Variants in SLCO3A1 observed in about 807,000 individuals in gnomAD.
The protein encoded by SLCO3A1 is solute carrier organic anion transporter family member 3A1.
Under a neutral mutation model 63.1 loss-of-function variants are expected in SLCO3A1, and 27 were observed. The observed-to-expected ratio is 0.43, with a 90% CI of 0.32 to 0.59. The LOEUF (loss-of-function observed/expected upper bound fraction) is 0.59. SLCO3A1 is among the 20% of genes least tolerant of loss of function. The pLI, the probability that SLCO3A1 is intolerant of heterozygous loss-of-function variation, is 0.09. For synonymous variants in SLCO3A1, 473 were observed against 409.9 expected (o/e 1.15, Z -1.86); for missense variants, 773 against 945.8 (o/e 0.82, Z 2.40).
At chr15:91,915,526 G>C (rs1341855251) in intron 1 of SLCO3A1, among the ~76,000 whole-genome samples, 2 of 152,146 alleles carry the variant, frequency 1.3e-5, no homozygotes, top group Non-Finnish European at 2.9e-5. Flanking sequence ...TTTATTTTGA[G>C]GTGGGGGATA....
At chr15:92,119,998 C>CAT (rs535175019) in intron 4 of SLCO3A1, among the ~76,000 whole-genome samples, 2,853 of 151,312 alleles carry the variant, frequency 0.019, 90 homozygotes, top group African/African-American at 0.065. Context: ...TTTTCTTACA[C>CAT]ATATATATAT....
intron 2 of SLCO3A1, among the ~76,000 whole-genome samples, chr15:92,016,825 C>A (rs771643289): frequency 6.6e-6 from 1 of 152,042 alleles, no homozygotes; most frequent in East Asian, 1.9e-4. Flanking sequence ...AGATGAACTT[C>A]GGGCCTGTGG....
At chr15:92,172,371 A>G (rs8030651) in exon 11 of SLCO3A1, 2,028 of 153,632 alleles carry the variant, frequency 0.013, 39 homozygotes, top group African/African-American at 0.046. Flanking sequence ...GTTTAGAAAT[A>G]TGTGATGTAA....
chr15:91,915,410 G>A (rs1046954899), intron 1 of SLCO3A1, among the ~76,000 whole-genome samples: 8 of 152,294 alleles, frequency 5.3e-5, no homozygotes, highest in African/African-American at 1.9e-4. Context: ...TGGCCTCTGG[G>A]GAAATGTACA....
chr15:91,925,105 T>C (rs1271060362), intron 2 of SLCO3A1, among the ~76,000 whole-genome samples: 5 of 152,216 alleles, frequency 3.3e-5, no homozygotes, highest in Admixed American at 2.0e-4. Flanking sequence ...GGCACACCCA[T>C]CTTATTTGCT....
chr15:91,863,593 GC>G lies in SLCO3A1; in HGVS notation c.180+9506del, dbSNP rs377219288. ...CCATCCTCTTCTTGAAGCTATACAT[GC>G]GTGGGGTGCACAGCACACCACACGG... On this transcript the variant is annotated intron_variant, in intron 1 of 9. Transcript: ENST00000318445. This position sits in a 1 kb window ranked among gnomAD's most constrained non-coding sequence, Gnocchi z 4.3. Among the ~76,000 whole-genome samples, 43 of 152,284 alleles carry G rather than the reference GC, an allele frequency of 2.8e-4. No individual in the cohort carries two copies. The East Asian group carries it at 7.3e-3, about 26-fold the overall frequency.
At chr15:92,039,033 T>A (rs186114390) in intron 2 of SLCO3A1, among the ~76,000 whole-genome samples, 2,287 of 152,248 alleles carry the variant, frequency 0.015, 54 homozygotes, top group African/African-American at 0.053. Flanking sequence ...TTGCTGGGAA[T>A]ACTGGCTAGC....
At chr15:91,926,596 T>TGTGTGTGTGTGTGTGTGTGTGCGCGCGC in intron 2 of SLCO3A1, among the ~76,000 whole-genome samples, 20 of 105,304 alleles carry the variant, frequency 1.9e-4, no homozygotes, top group African/African-American at 6.9e-4. Flanking sequence ...TGTGTGTGTG[T>TGTGTGTGTGTGTGTGTGTGTGCGCGCGC]GCGCGCGCGC....
intron 1 of SLCO3A1, among the ~76,000 whole-genome samples, chr15:91,879,261 T>C (rs1431772664): frequency 6.6e-6 from 1 of 152,172 alleles, no homozygotes; most frequent in Non-Finnish European, 1.5e-5. Context: ...TGCACACCAC[T>C]TACACTGTGA....
At chr15:91,960,069 C>T (rs1487844514) in intron 2 of SLCO3A1, among the ~76,000 whole-genome samples, 7 of 152,088 alleles carry the variant, frequency 4.6e-5, no homozygotes, top group East Asian at 1.9e-4. Flanking sequence ...CTGCAACCTC[C>T]GCCTCCTGGG....
intron 2 of SLCO3A1, among the ~76,000 whole-genome samples, chr15:91,997,778 A>G (rs2151449946): frequency 6.6e-6 from 1 of 152,332 alleles, no homozygotes; most frequent in African/African-American, 2.4e-5. Flanking sequence ...CTTATTCAAT[A>G]AATGGTGCTG....
intron 1 of SLCO3A1, among the ~76,000 whole-genome samples, chr15:91,910,320 C>T (rs1401489615): frequency 1.3e-5 from 2 of 152,196 alleles, no homozygotes; most frequent in African/African-American, 4.8e-5. Context: ...CACTCTGTTA[C>T]CCTGTTGCAG....
At chr15:92,018,353 T>A (rs1364595727) in intron 2 of SLCO3A1, among the ~76,000 whole-genome samples, 1 of 152,190 alleles carries the variant, frequency 6.6e-6, no homozygotes, top group South Asian at 2.1e-4. Flanking sequence ...GCCCTGGTGA[T>A]GGTTCAGAGC....
At chr15:92,127,776 G>A (rs1434488598) in intron 6 of SLCO3A1, among the ~76,000 whole-genome samples, 1 of 152,090 alleles carries the variant, frequency 6.6e-6, no homozygotes, top group Non-Finnish European at 1.5e-5. Flanking sequence ...GAATCAATTA[G>A]ACAATAATTA....
At chr15:92,026,387 C>G (rs4984325) in intron 2 of SLCO3A1, among the ~76,000 whole-genome samples, 9 of 152,118 alleles carry the variant, frequency 5.9e-5, no homozygotes, top group African/African-American at 1.4e-4. Flanking sequence ...ACAGAAGTGA[C>G]GAGAGCAGGT....
chr15:92,162,764 C>A lies in SLCO3A1; in HGVS notation c.1762C>A (p.Pro588Thr). 2 of 1,611,764 alleles carry A rather than the reference C, an allele frequency of 1.2e-6. No homozygotes were observed. The highest frequency in any genetic ancestry group is 1.7e-6 in the Non-Finnish European group (2 of 1,178,792). Residue 588 changes from proline (P) to threonine (T), a missense_variant, in exon 10 of 10, where the codon CCT becomes ACT. This residue lies in a region of SLCO3A1 where 565 missense variants were observed against 749.8 expected (regional missense o/e 0.75). Coordinates refer to ENST00000318445, the MANE Select transcript of SLCO3A1 (RefSeq NM_013272.4). ...FLLLRLLGFI[P>T]PPLIFGAGID... ...TCTTTTCCCGGTAACAGGCTTCATCCCTCCACCCCTCATCTTCGGGGCTGG... is the reference window on the plus strand; with the variant it reads ...TCTTTTCCCGGTAACAGGCTTCATCACTCCACCCCTCATCTTCGGGGCTGG...
chr15:91,981,948 T>C (rs529389077), intron 2 of SLCO3A1, among the ~76,000 whole-genome samples: 1 of 152,400 alleles, frequency 6.6e-6, no homozygotes, highest in South Asian at 2.1e-4. Flanking sequence ...GCTTTGATGC[T>C]GCATGGCTGC....
intron 2 of SLCO3A1, among the ~76,000 whole-genome samples, chr15:92,039,322 TACCC>T (rs1194565923): frequency 8.5e-5 from 13 of 152,314 alleles, no homozygotes; most frequent in Admixed American, 2.6e-4. Context: ...TTTTGCAATC[TACCC>T]GTCTGACAAA....
intron 2 of SLCO3A1, among the ~76,000 whole-genome samples, chr15:91,990,584 A>G (rs2046113790): frequency 6.6e-6 from 1 of 151,630 alleles, no homozygotes; most frequent in African/African-American, 2.4e-5. Flanking sequence ...AACTTCTTCC[A>G]GTATATACTC....
Sources: allele counts gnomAD v4.1 joint callset (sites outside exome capture counted in the v4.1 genomes callset), GRCh38; gene constraint gnomAD v4.1.1; regional missense constraint gnomAD v4.1.1; non-coding constraint Gnocchi (gnomAD v3.1); transcripts MANE v1.5; gene names NCBI Gene and HGNC (gene_info 2026-07-23, HGNC 2026-07-21).